PBRM1: variants seen among roughly 807,000 people sequenced by gnomAD.
PBRM1 encodes polybromo 1.
In PBRM1, 27 loss-of-function variants were observed where a neutral mutation model predicts 194.5. The observed-to-expected ratio is 0.14, with a 90% CI of 0.10 to 0.19. The LOEUF (loss-of-function observed/expected upper bound fraction) is 0.19, where lower values mean the gene tolerates loss of function less well. Among genes scored for constraint, PBRM1 ranks in the 10% least tolerant of loss-of-function variants. PBRM1 has a pLI of 1.00. For missense variants in PBRM1, 1,466 were observed against 2,077.2 expected, an observed-to-expected ratio of 0.71 and a Z score of 5.72; for synonymous variants, 655 against 693.2, an observed-to-expected ratio of 0.94 and a Z score of 0.87.
chr3:52,562,052 T>C, intron 24 of PBRM1, 84 bp from the exon 27 acceptor site: 1 of 1,041,778 alleles, frequency 9.6e-7, no homozygotes, highest in East Asian at 2.4e-5. Context: ...CCGGGCGCGG[T>C]GGCTCACACC....
At chr3:52,622,598 T>C (rs897618821) in intron 13 of PBRM1, among the ~76,000 whole-genome samples, 3 of 152,352 alleles carry the variant, frequency 2.0e-5, no homozygotes, top group East Asian at 3.9e-4. Context: ...TGATGTGTGA[T>C]GGCAAATGTG....
chr3:52,641,822 ACAAT>A, intron 10 of PBRM1, 128 bp downstream of exon 11: 1 of 745,528 alleles, frequency 1.3e-6, no homozygotes, highest in African/African-American at 1.7e-5. Context: ...CTACCAGAGT[ACAAT>A]CAAATGCAAT....
chr3:52,610,929 ACT>A (rs2094574593), intron 15 of PBRM1, among the ~76,000 whole-genome samples: 2 of 152,204 alleles, frequency 1.3e-5, no homozygotes, highest in African/African-American at 4.8e-5. Flanking sequence ...ACAGAGCGAG[ACT>A]CTGTCTCAAA....
chr3:52,619,000 C>T (rs976561502), intron 13 of PBRM1, among the ~76,000 whole-genome samples: 10 of 152,018 alleles, frequency 6.6e-5, no homozygotes, highest in East Asian at 1.9e-4. Context: ...CCGCCTGCCT[C>T]GGCCTCCCAA....
intron 6 of PBRM1, 46 bp downstream of exon 7, chr3:52,651,696 C>T: frequency 8.9e-7 from 1 of 1,119,310 alleles, no homozygotes; most frequent in East Asian, 2.5e-5. Flanking sequence ...GATCATAGGC[C>T]AATCTGCTCT....
chr3:52,546,052 T>C (rs1013895630), downstream of PBRM1: 3 of 233,146 alleles, frequency 1.3e-5, no homozygotes, highest in East Asian at 6.1e-5. Flanking sequence ...GATCTATGTT[T>C]CCTATAGCAC....
At chr3:52,584,214 TGTTAAG>T (rs1212556447) in intron 20 of PBRM1, among the ~76,000 whole-genome samples, 3 of 152,226 alleles carry the variant, frequency 2.0e-5, no homozygotes, top group East Asian at 3.9e-4. Context: ...ATATATTCCT[TGTTAAG>T]GTTATTTCTT....
At chr3:52,627,554 A>G (rs1254771920) in intron 12 of PBRM1, among the ~76,000 whole-genome samples, 184 bp from the exon 14 acceptor site, 2 of 152,220 alleles carry the variant, frequency 1.3e-5, no homozygotes, top group Non-Finnish European at 2.9e-5. Context: ...GCATGACAAA[A>G]AGAGTAGGTT....
At chr3:52,657,496 C>T (rs943351532) in intron 5 of PBRM1, among the ~76,000 whole-genome samples, 1 of 151,978 alleles carries the variant, frequency 6.6e-6, no homozygotes, top group African/African-American at 2.4e-5. Flanking sequence ...TTGAGATGGA[C>T]TCTTGCTCTG....
chr3:52,636,378 G>A (rs2095811963), intron 10 of PBRM1, among the ~76,000 whole-genome samples: 1 of 152,204 alleles, frequency 6.6e-6, no homozygotes, highest in South Asian at 2.1e-4. Flanking sequence ...TAAACAGTGT[G>A]TAAGGACCAT....
intron 14 of PBRM1, among the ~76,000 whole-genome samples, chr3:52,615,927 C>A (rs1367689209): frequency 6.6e-6 from 1 of 152,172 alleles, no homozygotes; most frequent in African/African-American, 2.4e-5. Flanking sequence ...AAACAATTAT[C>A]CTTGCTTAGG....
At chr3:52,625,113 C>T (rs1041214305) in intron 13 of PBRM1, among the ~76,000 whole-genome samples, 172 bp from the exon 15 acceptor site, 2 of 152,062 alleles carry the variant, frequency 1.3e-5, no homozygotes, top group Non-Finnish European at 2.9e-5. Context: ...AAGAATGCAC[C>T]CCCAGAATGA....
chr3:52,597,040 C>T (rs974590347), intron 17 of PBRM1, among the ~76,000 whole-genome samples: 1 of 152,148 alleles, frequency 6.6e-6, no homozygotes, highest in Non-Finnish European at 1.5e-5. Context: ...GACAATTCCC[C>T]TCTGATGAGG....
chr3:52,634,637 C>T (rs2153644367), exon 11 of PBRM1: 1 of 1,612,570 alleles, frequency 6.2e-7, no homozygotes, highest in Middle Eastern at 1.7e-4. Context: ...TTTTAATTTG[C>T]TGGTAATAAT....
intron 17 of PBRM1, among the ~76,000 whole-genome samples, chr3:52,599,205 C>T (rs2093802657): frequency 6.6e-6 from 1 of 151,882 alleles, no homozygotes; most frequent in South Asian, 2.1e-4. Flanking sequence ...AAAAAAATTG[C>T]ACATATTTAT....
At position 52,563,511 on chromosome 3, in the gene PBRM1, A is replaced by G. The variant is rs766441967; in HGVS notation, c.3876-18T>C. 6.3e-7 allele frequency: 1 copy of G among 1,590,758 alleles called. No individual in the cohort carries two copies. Among genetic ancestry groups the G allele is most frequent in the East Asian group, 2.2e-5 (1 of 44,766 alleles). On this transcript the variant is annotated intron_variant, in intron 23 of 29. Coordinates refer to ENST00000296302, the Ensembl canonical transcript of PBRM1. ...TTGGTTTTCTGAAAAAAGTGACATA[A>G]AAAACCTAAAATCACCTAATGCCCC... is the stretch of plus-strand genomic sequence containing the variant.
intron 2 of PBRM1, among the ~76,000 whole-genome samples, chr3:52,670,291 T>TCC (rs1041286301): frequency 1.3e-5 from 2 of 151,986 alleles, no homozygotes; most frequent in Admixed American, 6.6e-5. Context: ...CAAAACAGGG[T>TCC]CCCCCCATTT....
intron 2 of PBRM1, among the ~76,000 whole-genome samples, chr3:52,671,142 AT>A (rs2096939438): frequency 6.6e-6 from 1 of 152,228 alleles, no homozygotes; most frequent in Non-Finnish European, 1.5e-5. Flanking sequence ...AGAGAAATAA[AT>A]TTCTCTTTTG....
rs374475541 is a variant in PBRM1, at chr3:52,586,692, G to A, written c.3124-4C>T. The A allele has an allele frequency of 1.4e-5, 22 of 1,597,776 alleles. No individual in the cohort carries two copies. The highest frequency in any genetic ancestry group is 1.7e-4 in the Middle Eastern group (1 of 6,022). On this transcript the variant is annotated splice_polypyrimidine_tract_variant and splice_region_variant and intron_variant, in intron 19 of 29. Transcript: ENST00000296302. The stretch of plus-strand genomic sequence containing the variant: ...CTGGGCATAACTTAAAGTATTCCTG[G>A]GGGGTGGGGAGGGCATAAGAATAAA...
Sources: allele counts gnomAD v4.1 joint callset (sites outside exome capture counted in the v4.1 genomes callset), GRCh38; gene constraint gnomAD v4.1.1; transcripts MANE v1.5; gene names NCBI Gene and HGNC (gene_info 2026-07-23, HGNC 2026-07-21).